The following KCTD20 variants were observed in gnomAD, a reference collection of about 807,000 sequenced individuals.
The protein encoded by KCTD20 is BTB/POZ domain-containing protein KCTD20.
In KCTD20, 30 loss-of-function variants were observed where a neutral mutation model predicts 39.6. The ratio of observed to expected loss-of-function variants is 0.76; its 90% CI spans 0.57 to 1.03. The LOEUF is 1.03. Among genes scored for constraint, KCTD20 ranks in the 50% least tolerant of loss-of-function variants. The probability of loss-of-function intolerance (pLI) is 0.00; values close to 1 mark genes in which losing one functional copy is unlikely to be tolerated. For synonymous variants in KCTD20, 162 were observed against 180.6 expected (o/e 0.90, Z 0.83); for missense variants, 422 against 522.0 (o/e 0.81, Z 1.87).
At position 36,487,303 on chromosome 6, in the gene KCTD20, A is replaced by G. The variant is rs140813147; in HGVS notation, c.*128A>G. 372 of 910,430 alleles carry G rather than the reference A, an allele frequency of 4.1e-4. No homozygotes were observed. In the African/African-American group the frequency reaches 5.9e-3, roughly 14 times the overall value. 56.4% of individuals were successfully genotyped at this position (910,430 alleles called of 1,614,324 possible). A position where few individuals can be genotyped will look rare whatever the true frequency, so the allele number is the denominator to read the frequency against. ...CTCCCCTAACCTTTTCCTTTCTGCC[A>G]TAATTAACATATGTCCTTTTCAGTA... On this transcript the variant is annotated 3_prime_UTR_variant, in exon 8 of 8. Coordinates refer to ENST00000373731, the MANE Select transcript of KCTD20 (RefSeq NM_173562.5).
chr6:36,449,127 G>GGCT (rs974568969), intron 1 of KCTD20, among the ~76,000 whole-genome samples: 1 of 152,188 alleles, frequency 6.6e-6, no homozygotes, highest in Non-Finnish European at 1.5e-5. Flanking sequence ...GTTCTGAGCG[G>GGCT]GCTGCTGCTG....
intron 6 of KCTD20, among the ~76,000 whole-genome samples, chr6:36,484,224 C>T (rs1776350193): frequency 6.6e-6 from 1 of 152,156 alleles, no homozygotes; most frequent in African/African-American, 2.4e-5. Context: ...TGTGAGCCAC[C>T]ACACCCAGCC....
intron 6 of KCTD20, 150 bp downstream of exon 6, chr6:36,481,909 GC>G (rs1776262852): frequency 1.5e-6 from 1 of 679,690 alleles, no homozygotes; most frequent in Non-Finnish European, 2.6e-6. Context: ...CGCAGGTCTA[GC>G]CTTTATGCTG....
chr6:36,456,061 T>G (rs1775424650), intron 1 of KCTD20, among the ~76,000 whole-genome samples: 1 of 152,042 alleles, frequency 6.6e-6, no homozygotes, highest in South Asian at 2.1e-4. Flanking sequence ...CAAACAGATG[T>G]TTTTTTTCTG....
chr6:36,468,708 A>G (rs1300252706), intron 1 of KCTD20, among the ~76,000 whole-genome samples: 1 of 152,208 alleles, frequency 6.6e-6, no homozygotes. Flanking sequence ...TAAATACTTT[A>G]TTTTTAAGAA....
intron 1 of KCTD20, among the ~76,000 whole-genome samples, chr6:36,445,649 T>A (rs1282049564): frequency 6.6e-6 from 1 of 152,204 alleles, no homozygotes; most frequent in Non-Finnish European, 1.5e-5. Flanking sequence ...CTTAGAGATA[T>A]AAAGGAGCTT....
At chr6:36,461,163 G>A (rs1775591382) in intron 1 of KCTD20, among the ~76,000 whole-genome samples, 1 of 152,172 alleles carries the variant, frequency 6.6e-6, no homozygotes, top group African/African-American at 2.4e-5. Flanking sequence ...TTTAAGATAT[G>A]TTCTTGAGTA....
At chr6:36,456,542 G>A (rs1055742303) in intron 1 of KCTD20, among the ~76,000 whole-genome samples, 1 of 147,734 alleles carries the variant, frequency 6.8e-6, no homozygotes, top group Non-Finnish European at 1.5e-5. Flanking sequence ...GCCTCCCAGA[G>A]TGTTGGGATT....
chr6:36,449,326 T>C (rs1775161806), intron 1 of KCTD20, among the ~76,000 whole-genome samples: 1 of 152,106 alleles, frequency 6.6e-6, no homozygotes, highest in African/African-American at 2.4e-5. Context: ...GAGCACTGAT[T>C]GGTGCGTTTT....
intron 1 of KCTD20, among the ~76,000 whole-genome samples, chr6:36,454,342 T>TGG (rs1775361771): frequency 7.9e-6 from 1 of 126,664 alleles, no homozygotes; most frequent in Non-Finnish European, 1.7e-5. Flanking sequence ...ATTTACTTTA[T>TGG]GGCTCTTTTT....
At chr6:36,465,858 T>C (rs1156951114) in intron 1 of KCTD20, among the ~76,000 whole-genome samples, 1 of 152,174 alleles carries the variant, frequency 6.6e-6, no homozygotes, top group African/African-American at 2.4e-5. Context: ...CTGGATGTTT[T>C]CTTTGCTTCA....
At chr6:36,466,866 G>T (rs79927326) in intron 1 of KCTD20, among the ~76,000 whole-genome samples, 8,837 of 152,124 alleles carry the variant, frequency 0.058, 588 homozygotes, top group Admixed American at 0.17. Context: ...GCTCTGGTTT[G>T]TTGAAGAACT....
At position 36,489,691 on chromosome 6, in the gene KCTD20, T is replaced by C. The variant is rs1419943774; in HGVS notation, c.*2516T>C. ...TTCCTGGCCAGATGGGTAAGAGGCA[T>C]TTGTAATTTTAAAAATGTGAAACTT... On this transcript the variant is annotated 3_prime_UTR_variant, in exon 8 of 8. Transcript: ENST00000373731. The C allele has an allele frequency of 1.3e-5, 2 of 150,876 alleles. No individual in the cohort carries two copies. The highest frequency in any genetic ancestry group is 3.0e-5 in the Non-Finnish European group (2 of 67,308). The allele number at this position is 150,876 out of a possible 1,614,324, so 9.3% of individuals were successfully genotyped here.
chr6:36,488,218 G>A lies in KCTD20; in HGVS notation c.*1043G>A, dbSNP rs1174014056. 6.6e-6 allele frequency: 1 copy of A among 152,114 alleles called. No homozygotes were observed. The highest frequency in any genetic ancestry group is 2.4e-5 in the African/African-American group (1 of 41,416). The allele number at this position is 152,114 out of a possible 1,614,324, so 9.4% of individuals were successfully genotyped here. The stretch of plus-strand genomic sequence containing the variant: ...TATGTTTTCATACCATGGGATTTTT[G>A]GATATCAGTGTATTTTGGTTCTTGA... On this transcript the variant is annotated 3_prime_UTR_variant, in exon 8 of 8. Transcript: ENST00000373731.
chr6:36,462,194 C>T (rs2127438073), intron 1 of KCTD20, among the ~76,000 whole-genome samples: 1 of 152,248 alleles, frequency 6.6e-6, no homozygotes, highest in African/African-American at 2.4e-5. Context: ...ATGATGATAA[C>T]AACCCTTCGT....
chr6:36,482,894 C>A (rs1776296530), intron 6 of KCTD20, among the ~76,000 whole-genome samples: 1 of 138,284 alleles, frequency 7.2e-6, no homozygotes, highest in African/African-American at 2.7e-5. Flanking sequence ...TGCAGTGAGA[C>A]AAGATCACAC....
intron 1 of KCTD20, among the ~76,000 whole-genome samples, chr6:36,451,916 T>C (rs1775269062): frequency 6.6e-6 from 1 of 152,228 alleles, no homozygotes; most frequent in African/African-American, 2.4e-5. Context: ...GTTCAAGTGC[T>C]TTTCATGCCT....
intron 3 of KCTD20, among the ~76,000 whole-genome samples, chr6:36,478,864 A>G (rs997504359): frequency 6.6e-6 from 1 of 152,208 alleles, no homozygotes; most frequent in Non-Finnish European, 1.5e-5. Context: ...GAAACTCACT[A>G]CAGATGAACT....
chr6:36,481,374 T>C (rs529664162), intron 5 of KCTD20, among the ~76,000 whole-genome samples, 188 bp from the exon 6 acceptor site: 4 of 152,338 alleles, frequency 2.6e-5, no homozygotes, highest in African/African-American at 7.2e-5. Flanking sequence ...TGAAGAGTGG[T>C]AGAATAGGAG....
Sources: allele counts gnomAD v4.1 joint callset (sites outside exome capture counted in the v4.1 genomes callset), GRCh38; gene constraint gnomAD v4.1.1; transcripts MANE v1.5; gene names NCBI Gene and HGNC (gene_info 2026-07-23, HGNC 2026-07-21).